Variants in PTBP2 observed in about 807,000 individuals in gnomAD.
PTBP2 encodes the protein polypyrimidine tract binding protein 2.
Under a neutral mutation model 61.4 loss-of-function variants are expected in PTBP2, and 13 were observed. The observed-to-expected ratio is 0.21, with a 90% CI of 0.14 to 0.34. PTBP2 has a LOEUF of 0.34. Ranked by LOEUF, PTBP2 falls within the 10% of genes least tolerant of loss-of-function variation. The pLI is 1.00. For synonymous variants in PTBP2, 215 were observed against 218.5 expected (o/e 0.98, Z 0.14); for missense variants, 405 against 642.6 (o/e 0.63, Z 4.00).
intron 3 of PTBP2, among the ~76,000 whole-genome samples, chr1:96,758,968 G>T (rs1172638860): frequency 6.6e-6 from 1 of 152,112 alleles, no homozygotes; most frequent in Non-Finnish European, 1.5e-5. Flanking sequence ...TAGGATACAA[G>T]TTCTATGTAC....
At chr1:96,799,618 A>G (rs1039262033) in intron 8 of PTBP2, among the ~76,000 whole-genome samples, 1 of 152,138 alleles carries the variant, frequency 6.6e-6, no homozygotes, top group Non-Finnish European at 1.5e-5. Flanking sequence ...TAAAGATGCA[A>G]ATCATTAAAG....
intron 2 of PTBP2, among the ~76,000 whole-genome samples, chr1:96,740,205 T>C (rs1652817260): frequency 1.3e-5 from 2 of 152,268 alleles, no homozygotes; most frequent in South Asian, 4.1e-4. Context: ...TACCATAGAC[T>C]GAGTGACTTA....
At chr1:96,725,301 G>GGT (rs1650251825) in intron 2 of PTBP2, among the ~76,000 whole-genome samples, 1 of 135,862 alleles carries the variant, frequency 7.4e-6, no homozygotes, top group East Asian at 2.2e-4. Context: ...GGTTACACCA[G>GGT]TTTTTTTTTT....
chr1:96,739,408 A>G (rs936784009), intron 2 of PTBP2, among the ~76,000 whole-genome samples: 4 of 152,044 alleles, frequency 2.6e-5, no homozygotes, highest in African/African-American at 9.7e-5. Flanking sequence ...TGCAAAACCC[A>G]TCTCCAGAAC....
rs1348030737 is a variant in PTBP2, at chr1:96,785,860, A to G, written c.904+606A>G. Among the ~76,000 whole-genome samples the G allele has an allele frequency of 2.0e-5, 3 of 152,204 alleles. No individual in the cohort carries two copies. In the East Asian group the frequency reaches 5.8e-4, roughly 29 times the overall value. On this transcript the variant is annotated intron_variant, in intron 8 of 13. Coordinates refer to ENST00000674951, the MANE Select transcript of PTBP2 (RefSeq NM_021190.4). ...CTTTGTACCACAATGGACTTGAGCC[A>G]CCTAATAAAAATACAGTGCAAACAT...
intron 2 of PTBP2, among the ~76,000 whole-genome samples, chr1:96,725,870 G>A (rs1238172477): frequency 6.6e-6 from 1 of 151,414 alleles, no homozygotes; most frequent in Non-Finnish European, 1.5e-5. Context: ...ACGAGTTCAG[G>A]AGAGACCATC....
intron 8 of PTBP2, among the ~76,000 whole-genome samples, chr1:96,795,374 AT>A (rs1463360068): frequency 6.6e-6 from 1 of 152,212 alleles, no homozygotes; most frequent in African/African-American, 2.4e-5. Context: ...GATGTGATTG[AT>A]TATGAGAAAA....
exon 14 of PTBP2, chr1:96,822,638 T>C (rs1329916568): frequency 6.6e-6 from 1 of 152,216 alleles, no homozygotes; most frequent in Non-Finnish European, 1.5e-5. Flanking sequence ...TACAAATAAG[T>C]TAAACTTATC....
intron 11 of PTBP2, among the ~76,000 whole-genome samples, chr1:96,807,604 T>TATTTTCTTATTCTTTCCCTC (rs1661624229): frequency 6.6e-6 from 1 of 152,218 alleles, no homozygotes; most frequent in Admixed American, 6.5e-5. Flanking sequence ...TCATTGAGAT[T>TATTTTCTTATTCTTTCCCTC]CAGGGATAAT....
chr1:96,746,034 C>G (rs1055187270), intron 2 of PTBP2, among the ~76,000 whole-genome samples: 2 of 151,570 alleles, frequency 1.3e-5, no homozygotes, highest in African/African-American at 4.9e-5. Flanking sequence ...CCATTACACT[C>G]CAGCCTGTGT....
intron 2 of PTBP2, among the ~76,000 whole-genome samples, chr1:96,740,785 T>TTA (rs538175666): frequency 0.012 from 1,770 of 150,982 alleles, 35 homozygotes; most frequent in African/African-American, 0.041. Context: ...TTTGTTAAGT[T>TTA]TATATATATA....
At chr1:96,821,320 G>A (rs956980859) in exon 14 of PTBP2, 1 of 151,768 alleles carries the variant, frequency 6.6e-6, no homozygotes, top group South Asian at 2.1e-4. Context: ...TTATTACCTC[G>A]ACTTTCCATT....
intron 8 of PTBP2, among the ~76,000 whole-genome samples, chr1:96,791,953 C>T (rs1005567285): frequency 3.3e-5 from 5 of 151,292 alleles, no homozygotes; most frequent in Non-Finnish European, 5.9e-5. Flanking sequence ...CCTGCCTCAG[C>T]CTCCCAAGTA....
chr1:96,765,708 T>TCAGA (rs142433685), intron 3 of PTBP2, among the ~76,000 whole-genome samples: 10 of 147,278 alleles, frequency 6.8e-5, no homozygotes, highest in Admixed American at 3.4e-4. Context: ...AGACTCTGTC[T>TCAGA]TAGATAGATA....
At chr1:96,773,820 G>A (rs908964013) in intron 5 of PTBP2, among the ~76,000 whole-genome samples, 4 of 151,858 alleles carry the variant, frequency 2.6e-5, no homozygotes, top group Non-Finnish European at 5.9e-5. Context: ...AAAATTAGCT[G>A]GGCGTGGTGG....
At chr1:96,728,177 G>A (rs1650864601) in intron 2 of PTBP2, among the ~76,000 whole-genome samples, 1 of 152,010 alleles carries the variant, frequency 6.6e-6, no homozygotes, top group Non-Finnish European at 1.5e-5. Flanking sequence ...TATAGACCCG[G>A]GGTCTCTCTG....
At chr1:96,745,040 T>C (rs527996137) in intron 2 of PTBP2, among the ~76,000 whole-genome samples, 25 of 152,322 alleles carry the variant, frequency 1.6e-4, no homozygotes, top group African/African-American at 5.8e-4. Context: ...AGAATCTTTT[T>C]TGTTATATTA....
At chr1:96,790,470 T>G (rs1204487491) in intron 8 of PTBP2, among the ~76,000 whole-genome samples, 3 of 152,252 alleles carry the variant, frequency 2.0e-5, no homozygotes, top group Middle Eastern at 3.4e-3. Context: ...CTTAATTAAT[T>G]TCACTAGTGG....
intron 3 of PTBP2, among the ~76,000 whole-genome samples, chr1:96,754,542 TAAA>T (rs1023050562): frequency 2.0e-5 from 3 of 152,016 alleles, no homozygotes. Context: ...TTTAAAAAGA[TAAA>T]AAGAAGTATA....
Sources: allele counts gnomAD v4.1 joint callset (sites outside exome capture counted in the v4.1 genomes callset), GRCh38; gene constraint gnomAD v4.1.1; transcripts MANE v1.5; gene names NCBI Gene and HGNC (gene_info 2026-07-23, HGNC 2026-07-21).